Variants in GPM6A observed in about 807,000 individuals in gnomAD.
The protein encoded by GPM6A is glycoprotein M6A, also known as neuronal membrane glycoprotein M6-a.
In GPM6A, 7 loss-of-function variants were observed where a neutral mutation model predicts 32.1. The observed-to-expected ratio is 0.22, with a 90% CI of 0.12 to 0.41. GPM6A has a LOEUF of 0.41. Among genes scored for constraint, GPM6A ranks in the 10% least tolerant of loss-of-function variants. The probability of loss-of-function intolerance (pLI) is 1.00; values close to 1 mark genes in which losing one functional copy is unlikely to be tolerated. For synonymous variants in GPM6A, 130 were observed against 123.4 expected (o/e 1.05, Z -0.35); for missense variants, 235 against 347.2 (o/e 0.68, Z 2.57).
intron 1 of GPM6A, among the ~76,000 whole-genome samples, chr4:175,728,218 T>C (rs538322737): frequency 6.6e-6 from 1 of 152,174 alleles, no homozygotes; most frequent in African/African-American, 2.4e-5. Context: ...CACATGCAAA[T>C]GGTTTGTAGC....
chr4:175,688,748 A>G (rs1744131121), intron 2 of GPM6A, among the ~76,000 whole-genome samples: 1 of 152,256 alleles, frequency 6.6e-6, no homozygotes, highest in Admixed American at 6.5e-5. Context: ...ATATCAAAAT[A>G]CCACATGTGC....
At chr4:175,676,954 AACTGGTCACATATAT>A (rs1435666858) in intron 2 of GPM6A, among the ~76,000 whole-genome samples, 1 of 152,112 alleles carries the variant, frequency 6.6e-6, no homozygotes, top group Admixed American at 6.6e-5. Context: ...TCCCAATTAA[AACTGGTCACATATAT>A]ATCCTTTGTG....
chr4:175,787,540 C>T (rs1450421957), intron 1 of GPM6A: 13 of 1,426,990 alleles, frequency 9.1e-6, no homozygotes, highest in Non-Finnish European at 1.2e-5. Context: ...TCAGTATCAA[C>T]ATCACCAATG....
chr4:175,734,700 T>C (rs1173194369), intron 1 of GPM6A, among the ~76,000 whole-genome samples: 1 of 152,058 alleles, frequency 6.6e-6, no homozygotes, highest in Non-Finnish European at 1.5e-5. Context: ...TGTGAAACCC[T>C]GTCTCTACTA....
At chr4:175,955,864 A>G (rs1191027352) in intron 1 of GPM6A, among the ~76,000 whole-genome samples, 1 of 152,184 alleles carries the variant, frequency 6.6e-6, no homozygotes, top group Non-Finnish European at 1.5e-5. Context: ...AGTATGCTGG[A>G]GCTGGCTCTC....
At chr4:175,930,503 T>C (rs1266548529) in intron 1 of GPM6A, among the ~76,000 whole-genome samples, 1 of 151,856 alleles carries the variant, frequency 6.6e-6, no homozygotes, top group African/African-American at 2.4e-5. Context: ...TTGGGTATTA[T>C]ACAGCTTATT....
At chr4:175,729,782 T>C (rs1265344845) in intron 1 of GPM6A, among the ~76,000 whole-genome samples, 4 of 128,884 alleles carry the variant, frequency 3.1e-5, no homozygotes, top group Non-Finnish European at 6.5e-5. Flanking sequence ...ATATTATTTA[T>C]AATATATTAT....
At chr4:175,818,599 T>A (rs560817492) in intron 1 of GPM6A, among the ~76,000 whole-genome samples, 1 of 152,232 alleles carries the variant, frequency 6.6e-6, no homozygotes, top group Non-Finnish European at 1.5e-5. Context: ...AATGCATGCA[T>A]GCATGCATGA....
At chr4:175,996,245 T>C (rs185021928) in intron 1 of GPM6A, among the ~76,000 whole-genome samples, 23 of 152,284 alleles carry the variant, frequency 1.5e-4, no homozygotes, top group African/African-American at 5.5e-4. Flanking sequence ...ATAAAAGTAT[T>C]AATAATAAAA....
At chr4:175,824,191 G>A (rs1255161094) in intron 1 of GPM6A, among the ~76,000 whole-genome samples, 1 of 152,156 alleles carries the variant, frequency 6.6e-6, no homozygotes, top group East Asian at 1.9e-4. Context: ...GCCAGACCAT[G>A]GCTCCAGGAA....
intron 1 of GPM6A, among the ~76,000 whole-genome samples, chr4:175,876,769 A>T (rs1425436313): frequency 6.6e-6 from 1 of 152,206 alleles, no homozygotes; most frequent in Non-Finnish European, 1.5e-5. Flanking sequence ...TGCTCCGAAC[A>T]ACCCGAGTCT....
chr4:175,718,344 G>A (rs1176514004), intron 1 of GPM6A, among the ~76,000 whole-genome samples: 1 of 152,106 alleles, frequency 6.6e-6, no homozygotes, highest in Non-Finnish European at 1.5e-5. Context: ...GACTGGGTGT[G>A]GTGGCTCACA....
chr4:175,654,871 TCCA>T (rs1741996770), intron 3 of GPM6A, among the ~76,000 whole-genome samples: 1 of 152,114 alleles, frequency 6.6e-6, no homozygotes, highest in African/African-American at 2.4e-5. Context: ...AACTCTAAAA[TCCA>T]TGGAAGAGTA....
chr4:175,980,936 T>C (rs1740799273), intron 1 of GPM6A, among the ~76,000 whole-genome samples: 1 of 152,204 alleles, frequency 6.6e-6, no homozygotes, highest in African/African-American at 2.4e-5. Flanking sequence ...CTAAATTGAA[T>C]GATTTTAATC....
intron 1 of GPM6A, among the ~76,000 whole-genome samples, chr4:175,738,540 T>C (rs1347593530): frequency 6.6e-6 from 1 of 151,954 alleles, no homozygotes; most frequent in African/African-American, 2.4e-5. Context: ...ATATACTTCA[T>C]AGTATCTCTG....
chr4:175,702,142 C>A (rs942228659), intron 1 of GPM6A, among the ~76,000 whole-genome samples: 2 of 152,120 alleles, frequency 1.3e-5, no homozygotes, highest in African/African-American at 4.8e-5. Flanking sequence ...GGTATTTATT[C>A]TTTTGCACTC....
At chr4:175,710,985 G>C (rs1272731146) in intron 1 of GPM6A, among the ~76,000 whole-genome samples, 1 of 151,972 alleles carries the variant, frequency 6.6e-6, no homozygotes, top group Non-Finnish European at 1.5e-5. Flanking sequence ...AACGACCCAG[G>C]CCCTGCTGCT....
intron 1 of GPM6A, among the ~76,000 whole-genome samples, chr4:175,823,314 G>T (rs987302130): frequency 2.0e-5 from 3 of 152,120 alleles, no homozygotes; most frequent in African/African-American, 7.2e-5. Context: ...ATGAACATAG[G>T]TTATAACTTA....
chr4:175,637,279 TA>T (rs1740731529), intron 6 of GPM6A, among the ~76,000 whole-genome samples: 1 of 24,258 alleles, frequency 4.1e-5, no homozygotes, highest in African/African-American at 1.3e-4. Flanking sequence ...ATATATTATA[TA>T]TTATATAAAA....
Sources: gnomAD v4.1 joint callset for allele counts (sites outside exome capture counted in the v4.1 genomes callset) on GRCh38, gnomAD v4.1.1 for gene constraint, MANE v1.5 for transcripts, NCBI Gene and HGNC (gene_info 2026-07-23, HGNC 2026-07-21) for gene names.